The following SGCZ variants were observed in gnomAD, a reference collection of about 807,000 sequenced individuals.
SGCZ encodes the protein sarcoglycan zeta, also known as zeta-sarcoglycan.
SGCZ carries 40 observed loss-of-function variants against 41.3 expected under a neutral mutation model. The observed-to-expected ratio is 0.97, with a 90% CI of 0.75 to 1.26. SGCZ has a LOEUF of 1.26. Among genes scored for constraint, SGCZ ranks in the 50% most tolerant of loss-of-function variants. The pLI is 0.00. For synonymous variants in SGCZ, 206 were observed against 137.5 expected (o/e 1.50, Z -3.49); for missense variants, 552 against 369.8 (o/e 1.49, Z -4.04).
intron 2 of SGCZ, among the ~76,000 whole-genome samples, chr8:14,548,977 A>G (rs879431410): frequency 6.6e-6 from 1 of 152,068 alleles, no homozygotes; most frequent in African/African-American, 2.4e-5. Flanking sequence ...TCTTCCTGTT[A>G]AAGGCCAGAT....
chr8:14,628,228 C>T (rs988012824), intron 1 of SGCZ, among the ~76,000 whole-genome samples: 3 of 151,994 alleles, frequency 2.0e-5, no homozygotes, highest in Admixed American at 2.0e-4. Flanking sequence ...TAAAAAAGAT[C>T]CCATCTTGAT....
chr8:14,948,267 G>A (rs1008482120), intron 1 of SGCZ, among the ~76,000 whole-genome samples: 9 of 152,070 alleles, frequency 5.9e-5, no homozygotes, highest in Non-Finnish European at 1.0e-4. Context: ...AAAGGACTTT[G>A]AATTATAATA....
intron 1 of SGCZ, among the ~76,000 whole-genome samples, chr8:15,109,261 A>T (rs1806952165): frequency 6.6e-6 from 1 of 152,096 alleles, no homozygotes; most frequent in South Asian, 2.1e-4. Flanking sequence ...TGTTTTTAGA[A>T]TTTCTTTTTA....
chr8:14,881,483 T>C (rs1201447113), intron 1 of SGCZ, among the ~76,000 whole-genome samples: 2 of 152,072 alleles, frequency 1.3e-5, no homozygotes, highest in Admixed American at 6.6e-5. Context: ...AGATGCAGAT[T>C]GCAGCAGAGG....
At chr8:14,161,948 G>A (rs965780087) in intron 5 of SGCZ, among the ~76,000 whole-genome samples, 10 of 152,020 alleles carry the variant, frequency 6.6e-5, no homozygotes, top group African/African-American at 2.4e-4. Flanking sequence ...ATAGGAGGAA[G>A]AAGGGAGAGA....
intron 1 of SGCZ, among the ~76,000 whole-genome samples, chr8:14,916,446 C>G (rs557658635): frequency 2.6e-5 from 4 of 152,272 alleles, no homozygotes; most frequent in African/African-American, 9.6e-5. Flanking sequence ...GATCAGATAG[C>G]AGAAATGTAG....
chr8:15,151,182 G>A (rs1002702362), intron 1 of SGCZ, among the ~76,000 whole-genome samples: 9 of 152,214 alleles, frequency 5.9e-5, no homozygotes, highest in African/African-American at 1.9e-4. Flanking sequence ...TGCCAATCCC[G>A]TGAATGGGCT....
At chr8:14,497,574 G>C (rs1802026637) in intron 2 of SGCZ, among the ~76,000 whole-genome samples, 2 of 151,942 alleles carry the variant, frequency 1.3e-5, no homozygotes, top group Admixed American at 1.3e-4. Context: ...GTGTGTGTGT[G>C]TGTCTGTGTG....
At position 14,583,007 on chromosome 8, in the gene SGCZ, C is replaced by T. The variant is rs1224593036; in HGVS notation, c.40-28081G>A. Among the ~76,000 whole-genome samples, 12 of 151,460 alleles carry T rather than the reference C, an allele frequency of 7.9e-5. No individual in the cohort carries two copies. The East Asian group carries it at 2.1e-3, about 27-fold the overall frequency. ...TCTTTATAGCAGCATGATTTATAGT[C>T]CTTTGGGTATATACCCAGTAATGGG... On this transcript the variant is annotated intron_variant, in intron 1 of 7. Transcript: ENST00000382080.
chr8:15,074,142 C>T (rs948536976), intron 1 of SGCZ, among the ~76,000 whole-genome samples: 1 of 152,144 alleles, frequency 6.6e-6, no homozygotes, highest in African/African-American at 2.4e-5. Context: ...TCACTGACTC[C>T]CAGATGTCTG....
At chr8:14,736,535 G>T (rs1359111732) in intron 1 of SGCZ, among the ~76,000 whole-genome samples, 1 of 151,966 alleles carries the variant, frequency 6.6e-6, no homozygotes, top group African/African-American at 2.4e-5. Context: ...ACATGAGTAA[G>T]TTCTTCAGTG....
chr8:14,992,278 C>A (rs1802040534), intron 1 of SGCZ, among the ~76,000 whole-genome samples: 1 of 150,366 alleles, frequency 6.7e-6, no homozygotes, highest in African/African-American at 2.4e-5. Flanking sequence ...TCACCCTCAA[C>A]TATTCAACTC....
At chr8:14,886,541 G>A (rs948244338) in intron 1 of SGCZ, among the ~76,000 whole-genome samples, 2 of 152,044 alleles carry the variant, frequency 1.3e-5, no homozygotes, top group Admixed American at 6.6e-5. Context: ...CCTGAAATGA[G>A]GTGGCTGGGG....
intron 4 of SGCZ, among the ~76,000 whole-genome samples, chr8:14,204,808 C>T (rs1270233127): frequency 6.6e-6 from 1 of 152,176 alleles, no homozygotes; most frequent in African/African-American, 2.4e-5. Context: ...GTGAGACCTA[C>T]ACCAGTTCAC....
intron 1 of SGCZ, among the ~76,000 whole-genome samples, chr8:14,566,038 A>C (rs1804349043): frequency 6.6e-6 from 1 of 152,150 alleles, no homozygotes; most frequent in Non-Finnish European, 1.5e-5. Flanking sequence ...GGGTTATCTC[A>C]CTTATGGAGA....
chr8:15,015,003 A>C (rs1442382661), intron 1 of SGCZ, among the ~76,000 whole-genome samples: 1 of 152,260 alleles, frequency 6.6e-6, no homozygotes, highest in Non-Finnish European at 1.5e-5. Flanking sequence ...CCACTTTGGG[A>C]GGCCAAGGCG....
In SGCZ at chr8:14,199,285, A is replaced by G. The variant is rs537210514; in HGVS notation, c.425-34583T>C. On this transcript the variant is annotated intron_variant, in intron 4 of 7. Transcript: ENST00000382080. ...CAGATGAAATAAGCCCCTGTCTCCC[A>G]TAGCACTCCCAAGCTTATTAGGACA... Among the ~76,000 whole-genome samples, 8 of 152,324 alleles carry G rather than the reference A, an allele frequency of 5.3e-5. No homozygotes were observed. In the South Asian group the frequency reaches 1.7e-3, roughly 32 times the overall value.
rs543136422 is a variant in SGCZ, at chr8:14,583,453, G to A, written c.40-28527C>T. ...GCGAAACTTTTCTCCCATTTTGTAG[G>A]TTGCCTGTTCACTCTGATGGTAGTT... On this transcript the variant is annotated intron_variant, in intron 1 of 7. Coordinates refer to ENST00000382080, the MANE Select transcript of SGCZ (RefSeq NM_139167.4). 1.4e-4 allele frequency among the ~76,000 whole-genome samples: 22 copies of A among 152,130 alleles called. 1 individual carries two copies. The highest frequency in any genetic ancestry group is 5.1e-4 in the African/African-American group (21 of 41,534).
intron 2 of SGCZ, among the ~76,000 whole-genome samples, chr8:14,531,229 C>T (rs1290459418): frequency 6.6e-6 from 1 of 151,234 alleles, no homozygotes; most frequent in African/African-American, 2.4e-5. Flanking sequence ...TTTCCCCATT[C>T]TAAGCCCATA....
Sources: allele counts gnomAD v4.1 joint callset (sites outside exome capture counted in the v4.1 genomes callset), GRCh38; gene constraint gnomAD v4.1.1; transcripts MANE v1.5; gene names NCBI Gene and HGNC (gene_info 2026-07-23, HGNC 2026-07-21).